Variants in TMEM184B observed in about 807,000 individuals in gnomAD.
TMEM184B encodes transmembrane protein 184B.
A neutral mutation model predicts 41.8 loss-of-function variants in TMEM184B; 17 were observed. The ratio of observed to expected loss-of-function variants is 0.41; its 90% CI spans 0.28 to 0.61. TMEM184B has a LOEUF of 0.61. Among genes scored for constraint, TMEM184B ranks in the 20% least tolerant of loss-of-function variants. The pLI, the probability that TMEM184B is intolerant of heterozygous loss-of-function variation, is 0.34. For synonymous variants in TMEM184B, 240 were observed against 229.5 expected (o/e 1.05, Z -0.41); for missense variants, 393 against 557.8 (o/e 0.70, Z 2.98).
chr22:38,256,090 C>A (rs1468523360), intron 1 of TMEM184B, among the ~76,000 whole-genome samples: 1 of 152,206 alleles, frequency 6.6e-6, no homozygotes. Context: ...GTGGCTCACG[C>A]CTGTAATCCC....
chr22:38,255,597 C>T (rs1431070558), intron 1 of TMEM184B, among the ~76,000 whole-genome samples: 1 of 152,206 alleles, frequency 6.6e-6, no homozygotes, highest in African/African-American at 2.4e-5. Flanking sequence ...TCACGGCAGC[C>T]GTATCTGTAA....
chr22:38,272,391 G>A, intron 1 of TMEM184B: 10 of 819,756 alleles, frequency 1.2e-5, no homozygotes, highest in Non-Finnish European at 1.5e-5. Context: ...GGACCTGTGT[G>A]GCGGGCGTGT....
At chr22:38,247,004 C>G (rs548643514) in intron 2 of TMEM184B, 2 of 496,088 alleles carry the variant, frequency 4.0e-6, no homozygotes, top group African/African-American at 2.0e-5. Flanking sequence ...CTAGGGAACA[C>G]GAGCAGACTC....
At chr22:38,263,547 T>C (rs568927223) in intron 1 of TMEM184B, among the ~76,000 whole-genome samples, 17 of 152,328 alleles carry the variant, frequency 1.1e-4, no homozygotes, top group African/African-American at 3.6e-4. Context: ...GGTTTGTTCA[T>C]TGGCCCCTGC....
intron 1 of TMEM184B, among the ~76,000 whole-genome samples, chr22:38,252,071 T>C (rs1236120167): frequency 6.6e-6 from 1 of 151,682 alleles, no homozygotes; most frequent in East Asian, 1.9e-4. Context: ...AATTTTTTTT[T>C]TTTTTTGAGA....
chr22:38,235,034 C>T (rs2091738214), intron 3 of TMEM184B, among the ~76,000 whole-genome samples: 1 of 152,200 alleles, frequency 6.6e-6, no homozygotes, highest in Non-Finnish European at 1.5e-5. Flanking sequence ...AAACTCCTTG[C>T]AGGTAGAATG....
At chr22:38,248,941 C>T (rs1301740360) in intron 1 of TMEM184B, among the ~76,000 whole-genome samples, 1 of 152,188 alleles carries the variant, frequency 6.6e-6, no homozygotes, top group Admixed American at 6.5e-5. Flanking sequence ...TGTGGCTCCT[C>T]CCCAATCTGT....
At chr22:38,236,414 T>C (rs1273015894) in intron 3 of TMEM184B, among the ~76,000 whole-genome samples, 2 of 152,128 alleles carry the variant, frequency 1.3e-5, no homozygotes, top group African/African-American at 2.4e-5. Flanking sequence ...CAGGGGCAGA[T>C]GGGACTCCCA....
rs2091241288 is a variant in TMEM184B at position 38,221,002 on chromosome 22, G to A, written c.*467C>T. ...TGAGGTGAATCTAGCACTGGACAAA[G>A]GTGGACAGGGGAGGGATGCAGGCGG... On this transcript the variant is annotated 3_prime_UTR_variant, in exon 9 of 9. Transcript: ENST00000361906. The A allele has an allele frequency of 1.7e-5, 17 of 1,000,004 alleles. No individual in the cohort carries two copies. Among genetic ancestry groups the A allele is most frequent in the East Asian group, 1.1e-4 (1 of 9,216 alleles). 61.9% of individuals were successfully genotyped at this position (1,000,004 alleles called of 1,614,324 possible). A position where few individuals can be genotyped will look rare whatever the true frequency, so the allele number is the denominator to read the frequency against.
chr22:38,225,513 T>C lies in TMEM184B; in HGVS notation c.698A>G (p.Tyr233Cys), dbSNP rs1212536479. 6.2e-7 allele frequency: 1 copy of C among 1,600,978 alleles called. No individual in the cohort carries two copies. The change falls in exon 7 of 9, where the codon TAC becomes TGC. Residue 233 changes from tyrosine (Y) to cysteine (C), a missense_variant. Physicochemically the swap from Tyr to Cys is radical, Grantham distance 194. This residue lies in a region of TMEM184B where 271 missense variants were observed against 434.1 expected (regional missense o/e 0.62). Transcript: ENST00000361906. This position sits in a 1 kb window ranked among gnomAD's most constrained non-coding sequence, Gnocchi z 4.4. ...SLALYALFLF[Y>C]FATRELLSPY... is the part of the protein sequence containing the mutation. The stretch of plus-strand genomic sequence containing the variant: ...GCTGAGCAGCTCCCGGGTGGCGAAG[T>C]AGAAGAGGAAGAGGGCGTAGAGGGC...
chr22:38,262,967 A>G (rs2092392761), intron 1 of TMEM184B, among the ~76,000 whole-genome samples: 1 of 152,154 alleles, frequency 6.6e-6, no homozygotes, highest in African/African-American at 2.4e-5. Context: ...CAATGGCATG[A>G]TCTTGGCTCA....
chr22:38,219,660 C>T lies in TMEM184B; in HGVS notation c.*1809G>A, dbSNP rs979383486. On this transcript the variant is annotated 3_prime_UTR_variant, in exon 9 of 9. Coordinates refer to ENST00000361906, the MANE Select transcript of TMEM184B (RefSeq NM_012264.5). Reference sequence around the variant, plus strand: ...GCCACTGAGCTCCCCCCACCCTCCACGCAAACAGCAACGCTGGGCAGGCGA... The same window carrying T: ...GCCACTGAGCTCCCCCCACCCTCCATGCAAACAGCAACGCTGGGCAGGCGA... 19 of 985,434 alleles carry T rather than the reference C, an allele frequency of 1.9e-5. No homozygotes were observed. Among genetic ancestry groups the T allele is most frequent in the Middle Eastern group, 5.2e-4 (1 of 1,936 alleles). 61.0% of individuals were successfully genotyped at this position (985,434 alleles called of 1,614,324 possible). A position where few individuals can be genotyped will look rare whatever the true frequency, so the allele number is the denominator to read the frequency against.
In TMEM184B at chr22:38,268,903, A is replaced by T. The variant is rs138111114; in HGVS notation, c.-59+3981T>A. ...ACAGGCCTGCGATGCCTCCTTCTCA[A>T]ATAAATGAATGGGCCTGTAAGGTCA... On this transcript the variant is annotated intron_variant, in intron 1 of 8. Coordinates refer to ENST00000361906, the MANE Select transcript of TMEM184B (RefSeq NM_012264.5). Among the ~76,000 whole-genome samples, 584 of 152,384 alleles carry T rather than the reference A, an allele frequency of 3.8e-3. 2 individuals carry two copies. Among genetic ancestry groups the T allele is most frequent in the African/African-American group, 0.013 (548 of 41,594 alleles).
In TMEM184B at chr22:38,220,762, A is replaced by T. The variant is rs1235237612; in HGVS notation, c.*707T>A. ...CCTTGGTAGGCCAGGGGGAAGGGGC[A>T]TGAGGCAGGCAGAGGTGTGGCCACG... On this transcript the variant is annotated 3_prime_UTR_variant, in exon 9 of 9. Transcript: ENST00000361906. The T allele has an allele frequency of 1.0e-6, 1 of 986,170 alleles. No individual in the cohort carries two copies. Among genetic ancestry groups the T allele is most frequent in the Non-Finnish European group, 1.2e-6 (1 of 830,280 alleles). 61.1% of individuals were successfully genotyped at this position (986,170 alleles called of 1,614,324 possible).
At position 38,231,322 on chromosome 22, in the gene TMEM184B, T is replaced by C; in HGVS notation, c.371A>G (p.Tyr124Cys). Residue 124 changes from tyrosine (Y) to cysteine (C), a missense_variant, in exon 4 of 9, where the codon TAT becomes TGT. Transcript: ENST00000361906. ...CTCATAGCACAGGCTCAGGAAATTA[T>C]AGATGACCAAGGCTGCGAAGAGAGT... ...VRDCYEALVI[Y>C]NFLSLCYEYL... 2 of 1,614,088 alleles carry C rather than the reference T, an allele frequency of 1.2e-6. No homozygotes were observed. The highest frequency in any genetic ancestry group is 1.7e-6 in the Non-Finnish European group (2 of 1,179,986).
chr22:38,271,571 G>C (rs1001591422), intron 1 of TMEM184B, among the ~76,000 whole-genome samples: 3 of 152,084 alleles, frequency 2.0e-5, no homozygotes, highest in Non-Finnish European at 2.9e-5. Context: ...TCTTTCCTGC[G>C]GCCACGATCC....
At chr22:38,238,154 C>T (rs1486361816) in intron 3 of TMEM184B, among the ~76,000 whole-genome samples, 1 of 151,866 alleles carries the variant, frequency 6.6e-6, no homozygotes, top group Non-Finnish European at 1.5e-5. Context: ...TTCTTTCTGC[C>T]CTGAATGCTG....
At chr22:38,268,815 TG>T (rs2092480314) in intron 1 of TMEM184B, among the ~76,000 whole-genome samples, 1 of 152,270 alleles carries the variant, frequency 6.6e-6, no homozygotes, top group South Asian at 2.1e-4. Flanking sequence ...CTTGTGTGTC[TG>T]ATTTCTCTCT....
intron 3 of TMEM184B, among the ~76,000 whole-genome samples, chr22:38,235,053 C>T (rs1156975057): frequency 6.6e-6 from 1 of 152,210 alleles, no homozygotes; most frequent in African/African-American, 2.4e-5. Flanking sequence ...TGCAGTCCTA[C>T]CTCCAATGAC....
Sources: allele counts gnomAD v4.1 joint callset (sites outside exome capture counted in the v4.1 genomes callset), GRCh38; gene constraint gnomAD v4.1.1; regional missense constraint gnomAD v4.1.1; non-coding constraint Gnocchi (gnomAD v3.1); transcripts MANE v1.5; gene names NCBI Gene and HGNC (gene_info 2026-07-23, HGNC 2026-07-21).